Variants in CRACD observed in about 807,000 individuals in gnomAD.
CRACD encodes the protein capping protein inhibiting regulator of actin dynamics, also known as capping protein-inhibiting regulator of actin dynamics.
CRACD carries 56 observed loss-of-function variants against 106.8 expected under a neutral mutation model. The observed-to-expected ratio is 0.52, with a 90% confidence interval of 0.42 to 0.66. The LOEUF (loss-of-function observed/expected upper bound fraction) is 0.66. Among genes scored for constraint, CRACD ranks in the 30% least tolerant of loss-of-function variants. CRACD has a pLI of 0.00. For missense variants in CRACD, 1,730 were observed against 1,623.2 expected (o/e 1.07, Z -1.13); for synonymous variants, 754 against 670.8 (o/e 1.12, Z -1.92).
At chr4:56,179,241 T>C (rs998451640) in intron 1 of CRACD, 43 bp from the exon 2 acceptor site, 4 of 151,716 alleles carry the variant, frequency 2.6e-5, no homozygotes, top group African/African-American at 4.8e-5. Flanking sequence ...CAAGAGAGGA[T>C]TGAAGACATA....
At chr4:56,143,416 AT>A (rs1043983994) in intron 1 of CRACD, among the ~76,000 whole-genome samples, 18 of 152,126 alleles carry the variant, frequency 1.2e-4, no homozygotes, top group Admixed American at 2.6e-4. Flanking sequence ...CAATAATAGC[AT>A]TTTTCACAGG....
At chr4:56,201,477 C>T (rs1018025188) in intron 2 of CRACD, among the ~76,000 whole-genome samples, 5 of 152,084 alleles carry the variant, frequency 3.3e-5, no homozygotes, top group African/African-American at 7.2e-5. Flanking sequence ...TGGCACTGGG[C>T]ATTGTGGAGT....
chr4:56,274,681 C>CT lies in CRACD; in HGVS notation c.-17+2194dup, dbSNP rs67057388. Among the ~76,000 whole-genome samples the CT allele has an allele frequency of 2.2e-3, 95 of 44,162 alleles. 1 individual carries two copies. The highest frequency in any genetic ancestry group is 0.016 in the African/African-American group (94 of 5,708). The allele number at this position is 44,162 out of a possible 152,430, so 29.0% of individuals were successfully genotyped here. A position where few individuals can be genotyped will look rare whatever the true frequency, so the allele number is the denominator to read the frequency against. ...GACGTGTACTATATTTTAATTAAAC[C>CT]TTTTTATAATAAACACATCTCTTAA... On this transcript the variant is annotated intron_variant, in intron 3 of 10. Coordinates refer to ENST00000682029, the MANE Select transcript of CRACD (RefSeq NM_001393381.1).
chr4:56,261,572 T>A (rs539782), intron 2 of CRACD, among the ~76,000 whole-genome samples: 37,374 of 151,710 alleles, frequency 0.25, 4,722 homozygotes, highest in Non-Finnish European at 0.27. Context: ...CTGGTCTTGA[T>A]CTCCTCACCT....
chr4:56,170,237 CGTAG>C (rs1431020532), intron 1 of CRACD: 2 of 152,214 alleles, frequency 1.3e-5, no homozygotes, highest in Non-Finnish European at 2.9e-5. Context: ...GTAGAATCCA[CGTAG>C]CTCTGAAGAG....
At chr4:56,135,595 T>C (rs1734975319) in intron 1 of CRACD, among the ~76,000 whole-genome samples, 1 of 152,216 alleles carries the variant, frequency 6.6e-6, no homozygotes, top group Non-Finnish European at 1.5e-5. Flanking sequence ...AAAATGAGTA[T>C]CTTTATTTGA....
intron 2 of CRACD, among the ~76,000 whole-genome samples, chr4:56,214,681 C>CTCTCTCTCTCTCTATATA: frequency 1.2e-4 from 10 of 80,990 alleles, no homozygotes; most frequent in East Asian, 7.3e-4. Flanking sequence ...CTCTCTCTCT[C>CTCTCTCTCTCTCTATATA]TATATATATA....
intron 1 of CRACD, among the ~76,000 whole-genome samples, chr4:56,170,565 G>T (rs1361319323): frequency 1.3e-5 from 2 of 152,178 alleles, no homozygotes; most frequent in African/African-American, 4.8e-5. Context: ...AATAGACTGG[G>T]CGCAGTGGTT....
At chr4:56,150,099 A>T (rs930122999) in intron 1 of CRACD, among the ~76,000 whole-genome samples, 8 of 152,226 alleles carry the variant, frequency 5.3e-5, no homozygotes, top group Non-Finnish European at 1.0e-4. Flanking sequence ...TGAAGCACAC[A>T]TTGAAACATA....
chr4:56,128,014 C>G (rs1339543761), intron 1 of CRACD, among the ~76,000 whole-genome samples: 1 of 152,034 alleles, frequency 6.6e-6, no homozygotes, highest in African/African-American at 2.4e-5. Flanking sequence ...CTAGAGTTTT[C>G]TTTTAGTGGA....
intron 3 of CRACD, among the ~76,000 whole-genome samples, chr4:56,281,086 T>A (rs980221684): frequency 4.0e-5 from 6 of 151,664 alleles, no homozygotes; most frequent in African/African-American, 1.5e-4. Flanking sequence ...ATAGCAGGGG[T>A]CCCCAACCCC....
At chr4:56,184,649 T>C (rs541614946) in intron 2 of CRACD, among the ~76,000 whole-genome samples, 4 of 152,334 alleles carry the variant, frequency 2.6e-5, no homozygotes, top group African/African-American at 9.6e-5. Context: ...TTAGACTACA[T>C]GGGCCAGGCA....
chr4:56,075,981 A>G (rs975952009), intron 1 of CRACD, among the ~76,000 whole-genome samples: 13 of 152,218 alleles, frequency 8.5e-5, no homozygotes, highest in Admixed American at 7.2e-4. Flanking sequence ...TTAGGAAAAA[A>G]AAGTCTAAAA....
At chr4:56,088,156 A>G (rs897360902) in intron 1 of CRACD, among the ~76,000 whole-genome samples, 6 of 121,784 alleles carry the variant, frequency 4.9e-5, no homozygotes, top group Non-Finnish European at 7.0e-5. Context: ...TTTTCTTTTC[A>G]GCTTTTATTT....
chr4:56,300,266 G>A (rs2109727642), intron 4 of CRACD, among the ~76,000 whole-genome samples: 1 of 152,270 alleles, frequency 6.6e-6, no homozygotes, highest in East Asian at 1.9e-4. Context: ...TGTAGCATGT[G>A]GCAGACAGGG....
chr4:56,323,648 G>T, intron 9 of CRACD, 81 bp downstream of exon 9: 2 of 1,320,514 alleles, frequency 1.5e-6, no homozygotes, highest in Non-Finnish European at 2.0e-6. Context: ...AAAACAAAAG[G>T]CTAGCTGGGC....
chr4:56,172,656 G>C (rs1421758500), intron 1 of CRACD, among the ~76,000 whole-genome samples: 2 of 148,094 alleles, frequency 1.4e-5, no homozygotes, highest in Non-Finnish European at 3.0e-5. Flanking sequence ...ACAGCATCTT[G>C]CTCTGTCACC....
chr4:56,155,719 T>C (rs1735743714), intron 1 of CRACD, among the ~76,000 whole-genome samples: 1 of 152,214 alleles, frequency 6.6e-6, no homozygotes, highest in Non-Finnish European at 1.5e-5. Flanking sequence ...GAAACATTTG[T>C]GTGCATGCTT....
intron 1 of CRACD, among the ~76,000 whole-genome samples, chr4:56,144,341 T>C (rs1357212120): frequency 2.0e-5 from 3 of 152,226 alleles, no homozygotes; most frequent in South Asian, 2.1e-4. Flanking sequence ...AGAAATGATA[T>C]GATCAGATTT....
Sources: allele counts gnomAD v4.1 joint callset (sites outside exome capture counted in the v4.1 genomes callset), GRCh38; gene constraint gnomAD v4.1.1; transcripts MANE v1.5; gene names NCBI Gene and HGNC (gene_info 2026-07-23, HGNC 2026-07-21).